Variants in MYO1D observed in about 807,000 individuals in gnomAD.
The protein encoded by MYO1D is unconventional myosin-Id.
In MYO1D, 83 loss-of-function variants were observed where a neutral mutation model predicts 122.0. That is an observed-to-expected ratio of 0.68 (90% confidence interval 0.57 to 0.82). The LOEUF is 0.82. Ranked by LOEUF, MYO1D falls within the 40% of genes least tolerant of loss-of-function variation. The pLI is 0.00. For synonymous variants in MYO1D, 464 were observed against 446.9 expected (o/e 1.04, Z -0.48); for missense variants, 1,157 against 1,269.5 (o/e 0.91, Z 1.35).
chr17:32,756,349 C>G, intron 10 of MYO1D: 1 of 217,338 alleles, frequency 4.6e-6, no homozygotes, highest in Non-Finnish European at 9.3e-6. Flanking sequence ...AATATATATA[C>G]TAAAAAATTT....
intron 15 of MYO1D, among the ~76,000 whole-genome samples, chr17:32,712,938 C>G (rs376249618): frequency 5.3e-5 from 8 of 152,256 alleles, no homozygotes; most frequent in African/African-American, 1.9e-4. Flanking sequence ...AAGCAAATCA[C>G]TAGGTCTAGC....
chr17:32,536,240 G>T (rs1447694806), intron 21 of MYO1D, among the ~76,000 whole-genome samples: 1 of 151,918 alleles, frequency 6.6e-6, no homozygotes, highest in Non-Finnish European at 1.5e-5. Context: ...TCACCATGTT[G>T]GCCAGGCTGG....
chr17:32,515,824 C>T (rs1004015180), intron 21 of MYO1D, among the ~76,000 whole-genome samples: 2 of 152,090 alleles, frequency 1.3e-5, no homozygotes, highest in East Asian at 1.9e-4. Flanking sequence ...GCCCAGAACA[C>T]GGAGATGAAA....
At chr17:32,612,729 G>T (rs8078020) in intron 20 of MYO1D, among the ~76,000 whole-genome samples, 2 of 144,562 alleles carry the variant, frequency 1.4e-5, no homozygotes. Flanking sequence ...GAAGAAATTA[G>T]AAGAGAAAAA....
intron 21 of MYO1D, among the ~76,000 whole-genome samples, chr17:32,549,146 T>G (rs225196): frequency 0.49 from 74,298 of 151,716 alleles, 18,474 homozygotes; most frequent in African/African-American, 0.55. Context: ...AGGCTGGAGT[T>G]CAGTGGTGCC....
chr17:32,566,509 A>G (rs1387439209), intron 21 of MYO1D, among the ~76,000 whole-genome samples: 1 of 151,982 alleles, frequency 6.6e-6, no homozygotes, highest in Non-Finnish European at 1.5e-5. Context: ...AGTGCAGGAA[A>G]ATGCAGAGTG....
At chr17:32,760,147 T>G (rs2089984390) in intron 10 of MYO1D, 143 bp downstream of exon 10, 1 of 808,396 alleles carries the variant, frequency 1.2e-6, no homozygotes, top group African/African-American at 1.7e-5. Flanking sequence ...TGAAATTAAT[T>G]GTATTTACAT....
At chr17:32,536,482 T>G (rs1910668981) in intron 21 of MYO1D, among the ~76,000 whole-genome samples, 1 of 152,208 alleles carries the variant, frequency 6.6e-6, no homozygotes, top group Non-Finnish European at 1.5e-5. Context: ...TTTATTATCA[T>G]GGCCGAATTA....
intron 16 of MYO1D, among the ~76,000 whole-genome samples, chr17:32,662,763 T>C (rs1489149054): frequency 6.6e-6 from 1 of 152,140 alleles, no homozygotes; most frequent in Non-Finnish European, 1.5e-5. Context: ...TAATGGTGCT[T>C]ACCTTGTAGT....
chr17:32,681,588 C>G (rs1020865259), intron 16 of MYO1D, among the ~76,000 whole-genome samples: 1 of 151,946 alleles, frequency 6.6e-6, no homozygotes, highest in Non-Finnish European at 1.5e-5. Flanking sequence ...ATCCTGAGTT[C>G]TAGTTTGATT....
At chr17:32,518,516 A>G (rs1251194834) in intron 21 of MYO1D, 2 of 152,340 alleles carry the variant, frequency 1.3e-5, no homozygotes, top group African/African-American at 4.8e-5. Flanking sequence ...ATGGTATGAT[A>G]TTCACAGGTC....
At chr17:32,709,294 C>A (rs991839169) in intron 16 of MYO1D, among the ~76,000 whole-genome samples, 3 of 151,940 alleles carry the variant, frequency 2.0e-5, no homozygotes, top group Non-Finnish European at 2.9e-5. Context: ...GTATGGTCAC[C>A]CTGGTTCAGA....
intron 15 of MYO1D, among the ~76,000 whole-genome samples, chr17:32,719,298 T>A (rs1304032050): frequency 6.6e-6 from 1 of 151,684 alleles, no homozygotes; most frequent in Non-Finnish European, 1.5e-5. Context: ...GGCACTGTCA[T>A]CAAGCCCTGT....
At chr17:32,804,750 T>C (rs1204198882) in intron 1 of MYO1D, among the ~76,000 whole-genome samples, 1 of 152,206 alleles carries the variant, frequency 6.6e-6, no homozygotes, top group Non-Finnish European at 1.5e-5. Context: ...GTCTGTTGCT[T>C]GGTCTGTGAT....
chr17:32,617,111 C>T (rs200098156), intron 20 of MYO1D, among the ~76,000 whole-genome samples: 6 of 152,020 alleles, frequency 3.9e-5, no homozygotes, highest in Admixed American at 1.3e-4. Context: ...ACCTGGGAGG[C>T]GGAGGTTGCA....
chr17:32,674,559 G>T (rs913771545), intron 16 of MYO1D, among the ~76,000 whole-genome samples: 1 of 151,824 alleles, frequency 6.6e-6, no homozygotes, highest in Non-Finnish European at 1.5e-5. Context: ...CTTGACATTT[G>T]TTTGTACTGT....
chr17:32,726,551 T>C (rs900504872), intron 14 of MYO1D, among the ~76,000 whole-genome samples: 2 of 150,336 alleles, frequency 1.3e-5, no homozygotes, highest in African/African-American at 4.9e-5. Context: ...ATATAATAGA[T>C]GTAAATTACA....
chr17:32,672,786 A>T (rs1567941330), intron 16 of MYO1D, among the ~76,000 whole-genome samples: 1 of 152,020 alleles, frequency 6.6e-6, no homozygotes, highest in Non-Finnish European at 1.5e-5. Flanking sequence ...TGTTGAATTG[A>T]GTGTGATCTC....
chr17:32,846,577 A>G (rs965290707), intron 1 of MYO1D, among the ~76,000 whole-genome samples: 3 of 152,258 alleles, frequency 2.0e-5, no homozygotes, highest in Non-Finnish European at 2.9e-5. Context: ...ATTAAATAAA[A>G]AGGGAAGCAG....
Sources: allele counts gnomAD v4.1 joint callset (sites outside exome capture counted in the v4.1 genomes callset), GRCh38; gene constraint gnomAD v4.1.1; transcripts MANE v1.5; gene names NCBI Gene and HGNC (gene_info 2026-07-23, HGNC 2026-07-21).